SNRPD1: variants seen among roughly 807,000 people sequenced by gnomAD.
SNRPD1 encodes small nuclear ribonucleoprotein D1 polypeptide.
In SNRPD1, 1 loss-of-function variant was observed where a neutral mutation model predicts 14.4. The observed-to-expected ratio is 0.07, with a 90% confidence interval of 0.02 to 0.33. SNRPD1 has a LOEUF of 0.33. SNRPD1 is among the 10% of genes least tolerant of loss of function. The probability of loss-of-function intolerance (pLI) is 1.00; values close to 1 mark genes in which losing one functional copy is unlikely to be tolerated. For missense variants in SNRPD1, 52 were observed against 146.4 expected (o/e 0.36, Z 3.33); for synonymous variants, 42 against 50.3 (o/e 0.83, Z 0.70).
Position 21,624,660 on chromosome 18 carries a change from C to T in SNRPD1, c.283+721C>T, listed in dbSNP as rs549216941. Among the ~76,000 whole-genome samples the T allele has an allele frequency of 4.7e-5, 7 of 150,528 alleles. No homozygotes were observed. The East Asian group carries it at 1.4e-3, about 29-fold the overall frequency. ...GAGCCAAGATCACGCCACTGCACTC[C>T]AGCCTGGGCTACAGAGTGAGACTTT... is the stretch of plus-strand genomic sequence containing the variant. On this transcript the variant is annotated intron_variant, in intron 3 of 3. Coordinates refer to ENST00000300413, the MANE Select transcript of SNRPD1 (RefSeq NM_006938.4).
chr18:21,614,380 A>C (rs961348510), intron 1 of SNRPD1, among the ~76,000 whole-genome samples: 1 of 152,184 alleles, frequency 6.6e-6, no homozygotes. Context: ...TTCCCTTTAA[A>C]GATACTGCAT....
intron 1 of SNRPD1, among the ~76,000 whole-genome samples, chr18:21,620,866 A>G (rs1218569091): frequency 6.6e-6 from 1 of 152,144 alleles, no homozygotes; most frequent in East Asian, 1.9e-4. Context: ...TTCCCATGTT[A>G]ATGAAAAGAT....
chr18:21,631,018 T>C lies in SNRPD1; in HGVS notation c.*1880T>C, dbSNP rs1363569878. ...TTTTTTTTGTAAGTCATTGAAGTTA[T>C]ATAGTAATTAGCGTTTTTTCCCCCA... On this transcript the variant is annotated 3_prime_UTR_variant, in exon 4 of 4. Coordinates refer to ENST00000300413, the MANE Select transcript of SNRPD1 (RefSeq NM_006938.4). 1.3e-5 allele frequency: 2 copies of C among 151,976 alleles called. No individual in the cohort carries two copies. The highest frequency in any genetic ancestry group is 1.9e-4 in the East Asian group (1 of 5,202). The allele number at this position is 151,976 out of a possible 1,614,324, so 9.4% of individuals were successfully genotyped here.
At chr18:21,624,557 G>A (rs957376321) in intron 3 of SNRPD1, among the ~76,000 whole-genome samples, 2 of 151,668 alleles carry the variant, frequency 1.3e-5, no homozygotes, top group Admixed American at 6.6e-5. Context: ...CAGGCGTGGT[G>A]GTGCGTGCCT....
rs530052858 is a variant in SNRPD1, at chr18:21,623,697, T to C, written c.92-51T>C. ...TACTGTGGCTCAGTAGATTAATTAG[T>C]TGCCTTAACTTGTATCATACTAATA... On this transcript the variant is annotated intron_variant, in intron 2 of 3. Coordinates refer to ENST00000300413, the MANE Select transcript of SNRPD1 (RefSeq NM_006938.4). The C allele has an allele frequency of 7.5e-5, 96 of 1,285,406 alleles. 2 individuals carry two copies. The South Asian group carries it at 1.2e-3, about 16-fold the overall frequency. The allele number at this position is 1,285,406 out of a possible 1,614,324, so 79.6% of individuals were successfully genotyped here.
rs1486358553 is a variant in SNRPD1 at position 21,612,421 on chromosome 18, G to A, written c.-9G>A. On this transcript the variant is annotated 5_prime_UTR_variant, in exon 1 of 4. Transcript: ENST00000300413. The stretch of plus-strand genomic sequence containing the variant: ...GCTGTCGGACCCAGAGGGTGACGGC[G>A]CCGCTAGGATGAAGCTCGTGAGGTG... The A allele has an allele frequency of 6.4e-7, 1 of 1,553,424 alleles. No individual in the cohort carries two copies. The highest frequency in any genetic ancestry group is 8.8e-7 in the Non-Finnish European group (1 of 1,142,226).
chr18:21,621,869 T>A (rs2039000781), intron 1 of SNRPD1, among the ~76,000 whole-genome samples: 1 of 152,116 alleles, frequency 6.6e-6, no homozygotes, highest in Non-Finnish European at 1.5e-5. Context: ...GCATGAGCCA[T>A]CACGCCCAGC....
At chr18:21,625,347 G>A (rs971431034) in intron 3 of SNRPD1, among the ~76,000 whole-genome samples, 1 of 86,610 alleles carries the variant, frequency 1.2e-5, no homozygotes, top group Non-Finnish European at 1.9e-5. Context: ...ATGGAGTTTC[G>A]CTCTTGTTAG....
At chr18:21,615,674 A>G (rs1232169171) in intron 1 of SNRPD1, among the ~76,000 whole-genome samples, 1 of 152,142 alleles carries the variant, frequency 6.6e-6, no homozygotes, top group African/African-American at 2.4e-5. Flanking sequence ...ACAAGAAAAT[A>G]AAATAAAAAG....
chr18:21,622,644 A>G (rs1006485973), intron 1 of SNRPD1, 81 bp from the exon 2 acceptor site: 1 of 702,306 alleles, frequency 1.4e-6, no homozygotes, highest in East Asian at 2.7e-5. Flanking sequence ...AATTTTCAAC[A>G]TCGAGTTGTT....
intron 1 of SNRPD1, among the ~76,000 whole-genome samples, chr18:21,621,347 A>C (rs2038996473): frequency 6.6e-6 from 1 of 152,134 alleles, no homozygotes; most frequent in African/African-American, 2.4e-5. Context: ...GGCGGTAATA[A>C]ATTTTGACAT....
At chr18:21,623,614 T>C (rs900346314) in intron 2 of SNRPD1, 134 bp from the exon 3 acceptor site, 40 of 652,868 alleles carry the variant, frequency 6.1e-5, no homozygotes, top group East Asian at 1.1e-4. Flanking sequence ...TGTGCTAAAT[T>C]GTGTCATAGA....
Position 21,629,222 on chromosome 18 carries a change from A to G in SNRPD1, c.*84A>G, listed in dbSNP as rs539034884. The G allele has an allele frequency of 2.0e-4, 203 of 1,034,930 alleles. 1 individual carries two copies. The East Asian group carries it at 4.7e-3, about 24-fold the overall frequency. 64.1% of individuals were successfully genotyped at this position (1,034,930 alleles called of 1,614,324 possible). A position where few individuals can be genotyped will look rare whatever the true frequency, so the allele number is the denominator to read the frequency against. ...TTGTTTATGTCAGTTTTTAATAAAC[A>G]TAAATGTGGGACAGAGCTGTCTATT... On this transcript the variant is annotated 3_prime_UTR_variant, in exon 4 of 4. Coordinates refer to ENST00000300413, the MANE Select transcript of SNRPD1 (RefSeq NM_006938.4).
Position 21,627,434 on chromosome 18 carries a change from G to GTTTT in SNRPD1, c.284-1608_284-1605dup, listed in dbSNP as rs71178190. 1.3e-3 allele frequency among the ~76,000 whole-genome samples: 131 copies of GTTTT among 97,346 alleles called. 1 individual carries two copies. Among genetic ancestry groups the GTTTT allele is most frequent in the Non-Finnish European group, 2.0e-3 (105 of 51,240 alleles). 63.9% of individuals were successfully genotyped at this position (97,346 alleles called of 152,430 possible). Reference sequence around the variant, plus strand: ...TACCTGGTCCATTTTCTTTTCTTGGGTTTTTTTTTTTTTTTTTTTTTTTGA... The same window carrying GTTTT: ...TACCTGGTCCATTTTCTTTTCTTGGGTTTTTTTTTTTTTTTTTTTTTTTTTTTGA... On this transcript the variant is annotated intron_variant, in intron 3 of 3. Coordinates refer to ENST00000300413, the MANE Select transcript of SNRPD1 (RefSeq NM_006938.4).
Position 21,623,742 on chromosome 18 carries a change from C to T in SNRPD1, c.92-6C>T, listed in dbSNP as rs778655238. 3 of 1,599,804 alleles carry T rather than the reference C, an allele frequency of 1.9e-6. No individual in the cohort carries two copies. Among genetic ancestry groups the T allele is most frequent in the Non-Finnish European group, 2.6e-6 (3 of 1,173,226 alleles). Reference sequence around the variant, plus strand: ...CTAATAACTGCACAATTATTTTCCTCTTTAGGTGTGGATGTCAGCATGAAT... The same window carrying T: ...CTAATAACTGCACAATTATTTTCCTTTTTAGGTGTGGATGTCAGCATGAAT... On this transcript the variant is annotated splice_region_variant and splice_polypyrimidine_tract_variant and intron_variant, in intron 2 of 3. Transcript: ENST00000300413.
At chr18:21,625,315 A>ATTTTTTTTTTTTTTTTT (rs748864232) in intron 3 of SNRPD1, among the ~76,000 whole-genome samples, 47 of 98,218 alleles carry the variant, frequency 4.8e-4, no homozygotes, top group Non-Finnish European at 5.2e-4. Context: ...TGTTGAAAAA[A>ATTTTTTTTTTTTTTTTT]ATTTTTTTTT....
intron 1 of SNRPD1, among the ~76,000 whole-genome samples, chr18:21,613,183 A>G (rs1337974270): frequency 6.6e-6 from 1 of 152,244 alleles, no homozygotes; most frequent in East Asian, 1.9e-4. Context: ...TTCTTAAGAA[A>G]TAAATAGACC....
At position 21,612,378 on chromosome 18, in the gene SNRPD1, G is replaced by C; in HGVS notation, c.-52G>C. 8 of 1,484,300 alleles carry C rather than the reference G, an allele frequency of 5.4e-6. No individual in the cohort carries two copies. The highest frequency in any genetic ancestry group is 7.3e-6 in the Non-Finnish European group (8 of 1,096,580). The allele number at this position is 1,484,300 out of a possible 1,614,324, so 91.9% of individuals were successfully genotyped here. A position where few individuals can be genotyped will look rare whatever the true frequency, so the allele number is the denominator to read the frequency against. On this transcript the variant is annotated 5_prime_UTR_variant, in exon 1 of 4. Transcript: ENST00000300413. ...TTCATACTGCAGTCGGTCAGTGTTCGGTTGAAGGATTCTGTGTGCTGTCGG... is the reference window on the plus strand; with the variant it reads ...TTCATACTGCAGTCGGTCAGTGTTCCGTTGAAGGATTCTGTGTGCTGTCGG...
In SNRPD1 at chr18:21,620,397, G is replaced by T. The variant is rs557098147; in HGVS notation, c.15-2328G>T. 2.6e-5 allele frequency among the ~76,000 whole-genome samples: 4 copies of T among 152,210 alleles called. No homozygotes were observed. In the East Asian group the frequency reaches 5.8e-4, roughly 22 times the overall value. On this transcript the variant is annotated intron_variant, in intron 1 of 3. Transcript: ENST00000300413. ...ATTACAGGCATGAGCCACTGCACTG[G>T]CAATTGACAATATTTGTAAACCCTT...
Sources: allele counts gnomAD v4.1 joint callset (sites outside exome capture counted in the v4.1 genomes callset), GRCh38; gene constraint gnomAD v4.1.1; transcripts MANE v1.5; gene names NCBI Gene and HGNC (gene_info 2026-07-23, HGNC 2026-07-21).